FXYD6: variants seen among roughly 807,000 people sequenced by gnomAD.
FXYD6 encodes FXYD domain-containing ion transport regulator 6.
A neutral mutation model predicts 16.7 loss-of-function variants in FXYD6; 7 were observed. The ratio of observed to expected loss-of-function variants is 0.42; its 90% CI spans 0.24 to 0.79. FXYD6 has a LOEUF of 0.79. Among genes scored for constraint, FXYD6 ranks in the 30% least tolerant of loss-of-function variants. FXYD6 has a pLI of 0.28. For missense variants in FXYD6, 111 were observed against 116.2 expected (o/e 0.95, Z 0.21); for synonymous variants, 49 against 43.0 (o/e 1.14, Z -0.54).
intron 1 of FXYD6, among the ~76,000 whole-genome samples, chr11:117,851,663 T>C (rs1401108792): frequency 6.6e-6 from 1 of 152,252 alleles, no homozygotes; most frequent in African/African-American, 2.4e-5. Context: ...TCATCCTTCA[T>C]GCCATTTTCT....
intron 1 of FXYD6, among the ~76,000 whole-genome samples, chr11:117,849,461 A>G (rs1034048640): frequency 6.6e-6 from 1 of 152,168 alleles, no homozygotes; most frequent in African/African-American, 2.4e-5. Context: ...TGCTTGGAAA[A>G]TTGTGAATTC....
intron 4 of FXYD6, 143 bp downstream of exon 4, chr11:117,841,648 T>C: frequency 1.2e-6 from 1 of 826,100 alleles, no homozygotes. Flanking sequence ...CCCAGCACTC[T>C]ACTGGGTCGT....
chr11:117,863,811 C>A (rs4938444), intron 1 of FXYD6, among the ~76,000 whole-genome samples: 63,133 of 151,360 alleles, frequency 0.42, 13,658 homozygotes, highest in East Asian at 0.72. Flanking sequence ...CATTTCTATA[C>A]ATTAACAATA....
intron 7 of FXYD6, 22 bp downstream of exon 7, chr11:117,839,759 A>T (rs781560084): frequency 1.2e-6 from 2 of 1,614,172 alleles, no homozygotes; most frequent in Admixed American, 3.3e-5. Flanking sequence ...ACAGGGGCCA[A>T]TCCAGGCACT....
intron 7 of FXYD6, 152 bp downstream of exon 7, chr11:117,839,629 T>G: frequency 1.2e-6 from 1 of 831,188 alleles, no homozygotes; most frequent in Non-Finnish European, 1.9e-6. Context: ...ACAGCCCCTT[T>G]CAGACTCCTG....
chr11:117,862,931 A>G (rs1249503930), intron 1 of FXYD6, among the ~76,000 whole-genome samples: 1 of 152,172 alleles, frequency 6.6e-6, no homozygotes, highest in Non-Finnish European at 1.5e-5. Context: ...TTCCCTGCCC[A>G]CATTGGTCAA....
intron 1 of FXYD6, among the ~76,000 whole-genome samples, chr11:117,861,500 T>A (rs1325340191): frequency 6.6e-6 from 1 of 152,180 alleles, no homozygotes; most frequent in Non-Finnish European, 1.5e-5. Flanking sequence ...CTGCTTCAAC[T>A]AAATTAGATG....
intron 1 of FXYD6, among the ~76,000 whole-genome samples, chr11:117,864,971 T>C (rs1442630750): frequency 1.3e-5 from 2 of 152,098 alleles, no homozygotes; most frequent in Non-Finnish European, 2.9e-5. Context: ...GAAGGAAATA[T>C]TTTCAAATCA....
At chr11:117,842,496 C>T (rs747787480) in intron 2 of FXYD6, among the ~76,000 whole-genome samples, 2 of 152,188 alleles carry the variant, frequency 1.3e-5, no homozygotes, top group Non-Finnish European at 1.5e-5. Context: ...TACTCCCTGC[C>T]GGACCCTTAG....
At chr11:117,865,066 A>G (rs2056986287) in intron 1 of FXYD6, among the ~76,000 whole-genome samples, 1 of 152,204 alleles carries the variant, frequency 6.6e-6, no homozygotes, top group Non-Finnish European at 1.5e-5. Context: ...TTGAACTAAC[A>G]TTTCTCCAAA....
intron 1 of FXYD6, among the ~76,000 whole-genome samples, chr11:117,854,742 C>T (rs1405563279): frequency 3.3e-5 from 5 of 152,192 alleles, no homozygotes; most frequent in Non-Finnish European, 7.4e-5. Flanking sequence ...TCCAGCGGAA[C>T]CTTAAGAGCA....
At chr11:117,840,182 G>T in intron 6 of FXYD6, 137 bp downstream of exon 6, 3 of 1,086,908 alleles carry the variant, frequency 2.8e-6, no homozygotes, top group South Asian at 1.3e-5. Flanking sequence ...TGCTGCAGAG[G>T]CCCTGGAGAC....
intron 1 of FXYD6, among the ~76,000 whole-genome samples, chr11:117,874,803 C>T (rs959739724): frequency 6.6e-6 from 1 of 152,232 alleles, no homozygotes; most frequent in Non-Finnish European, 1.5e-5. Context: ...GAATGGCTCT[C>T]GTTAACACCT....
intron 1 of FXYD6, among the ~76,000 whole-genome samples, chr11:117,862,754 G>T (rs1369677695): frequency 6.6e-6 from 1 of 152,188 alleles, no homozygotes; most frequent in Non-Finnish European, 1.5e-5. Flanking sequence ...AAACCAAGGT[G>T]CTGTTCCTAA....
chr11:117,839,659 C>A, intron 7 of FXYD6, 122 bp downstream of exon 7: 1 of 1,186,486 alleles, frequency 8.4e-7, no homozygotes, highest in African/African-American at 1.5e-5. Flanking sequence ...CAGGGCAGGG[C>A]CCATAATAAA....
chr11:117,837,267 T>G lies in FXYD6; in HGVS notation c.*1032A>C, dbSNP rs941239154. 2 of 152,064 alleles carry G rather than the reference T, an allele frequency of 1.3e-5. No homozygotes were observed. Among genetic ancestry groups the G allele is most frequent in the African/African-American group, 4.8e-5 (2 of 41,388 alleles). 9.4% of individuals were successfully genotyped at this position (152,064 alleles called of 1,614,324 possible). ...GCGGGAGTTGCCTCTGCTGCCCATCTAAGGGGACGTAGGCAGAGAAGCAAA... is the reference window on the plus strand; with the variant it reads ...GCGGGAGTTGCCTCTGCTGCCCATCGAAGGGGACGTAGGCAGAGAAGCAAA... On this transcript the variant is annotated 3_prime_UTR_variant, in exon 8 of 8. Transcript: ENST00000526014. This position sits in a 1 kb window ranked among gnomAD's most constrained non-coding sequence, Gnocchi z 4.4.
At chr11:117,867,873 G>C (rs1401684328) in intron 1 of FXYD6, among the ~76,000 whole-genome samples, 1 of 152,050 alleles carries the variant, frequency 6.6e-6, no homozygotes, top group Non-Finnish European at 1.5e-5. Flanking sequence ...AAAGAAAAAA[G>C]ATGCCTGGAA....
chr11:117,845,073 T>C (rs868555387), intron 1 of FXYD6, among the ~76,000 whole-genome samples: 6 of 152,232 alleles, frequency 3.9e-5, no homozygotes, highest in Admixed American at 6.5e-5. Flanking sequence ...TACAAACTTA[T>C]GCATTCGTCA....
intron 5 of FXYD6, among the ~76,000 whole-genome samples, chr11:117,840,570 A>G (rs1449107083): frequency 6.6e-6 from 1 of 152,130 alleles, no homozygotes; most frequent in African/African-American, 2.4e-5. Context: ...GGGAACTTAC[A>G]GGCACCCTTC....
Sources: allele counts gnomAD v4.1 joint callset (sites outside exome capture counted in the v4.1 genomes callset), GRCh38; gene constraint gnomAD v4.1.1; non-coding constraint Gnocchi (gnomAD v3.1); transcripts MANE v1.5; gene names NCBI Gene and HGNC (gene_info 2026-07-23, HGNC 2026-07-21).